Variants in CDC14A observed in about 807,000 individuals in gnomAD.
CDC14A encodes cell division cycle 14A.
CDC14A carries 53 observed loss-of-function variants against 74.4 expected under a neutral mutation model. That is an observed-to-expected ratio of 0.71 (90% CI 0.57 to 0.89). The LOEUF (loss-of-function observed/expected upper bound fraction) is 0.89, where lower values mean the gene tolerates loss of function less well. Ranked by LOEUF, CDC14A falls within the 40% of genes least tolerant of loss-of-function variation. The probability of loss-of-function intolerance (pLI) is 0.00; values close to 1 mark genes in which losing one functional copy is unlikely to be tolerated. For missense variants in CDC14A, 646 were observed against 713.7 expected (o/e 0.91, Z 1.08); for synonymous variants, 247 against 258.4 (o/e 0.96, Z 0.43).
In CDC14A at chr1:100,455,439, C is replaced by T; in HGVS notation, c.554C>T (p.Pro185Leu). The change falls in exon 8 of 16, where the codon CCA becomes CTA. Residue 185 changes from proline (P) to leucine (L), a missense_variant. Transcript: ENST00000336454. ...VENGDFNWIV[P>L]GKFLAFSGPH... ...AATGGTGACTTCAACTGGATTGTTCCAGGAAAATTTTTAGCATTTAGTGGA... is the reference window on the plus strand; with the variant it reads ...AATGGTGACTTCAACTGGATTGTTCTAGGAAAATTTTTAGCATTTAGTGGA... 6.2e-7 allele frequency: 1 copy of T among 1,602,852 alleles called. No individual in the cohort carries two copies. Among genetic ancestry groups the T allele is most frequent in the Non-Finnish European group, 8.5e-7 (1 of 1,176,946 alleles).
At chr1:100,396,509 G>C (rs1394954848) in intron 4 of CDC14A, among the ~76,000 whole-genome samples, 1 of 152,126 alleles carries the variant, frequency 6.6e-6, no homozygotes, top group Non-Finnish European at 1.5e-5. Context: ...GGTATAAAGT[G>C]GTGTCTTCCC....
chr1:100,364,229 G>A (rs1360074463), intron 2 of CDC14A, among the ~76,000 whole-genome samples: 4 of 150,504 alleles, frequency 2.7e-5, no homozygotes, highest in Non-Finnish European at 5.9e-5. Context: ...TTATTTTTGA[G>A]ATGGAGTCTC....
intron 4 of CDC14A, among the ~76,000 whole-genome samples, chr1:100,397,294 G>A (rs1001900879): frequency 5.9e-5 from 9 of 152,190 alleles, no homozygotes; most frequent in Admixed American, 1.3e-4. Context: ...CCCCTGCATT[G>A]TGACATTGTG....
intron 4 of CDC14A, among the ~76,000 whole-genome samples, chr1:100,407,049 T>G (rs969602576): frequency 2.0e-5 from 3 of 152,156 alleles, no homozygotes; most frequent in African/African-American, 7.2e-5. Flanking sequence ...ATTCTCTCCA[T>G]TGGTCTTTGT....
At chr1:100,399,024 G>A (rs911845682) in intron 4 of CDC14A, among the ~76,000 whole-genome samples, 2 of 152,044 alleles carry the variant, frequency 1.3e-5, no homozygotes, top group African/African-American at 2.4e-5. Flanking sequence ...TTAAATGTCC[G>A]TTTTGAAAAG....
At chr1:100,433,264 A>T (rs1454326341) in intron 5 of CDC14A, among the ~76,000 whole-genome samples, 1 of 152,114 alleles carries the variant, frequency 6.6e-6, no homozygotes, top group Non-Finnish European at 1.5e-5. Flanking sequence ...TCATTTATTC[A>T]TTCCTGTATT....
intron 3 of CDC14A, among the ~76,000 whole-genome samples, chr1:100,383,048 C>T (rs1050414009): frequency 2.0e-5 from 3 of 152,156 alleles, no homozygotes; most frequent in Non-Finnish European, 4.4e-5. Flanking sequence ...GTTTCTGGCT[C>T]ATAGGTTTGT....
intron 7 of CDC14A, among the ~76,000 whole-genome samples, chr1:100,444,001 C>G (rs1571207776): frequency 6.6e-6 from 1 of 152,154 alleles, no homozygotes; most frequent in African/African-American, 2.4e-5. Flanking sequence ...ACATTTGGGG[C>G]CCTAGTCTAG....
At chr1:100,393,019 G>A (rs946583969) in intron 4 of CDC14A, 78 of 1,338,592 alleles carry the variant, frequency 5.8e-5, no homozygotes, top group Admixed American at 4.1e-4. Flanking sequence ...TTTTCTACCC[G>A]CGAAATTGTC....
At chr1:100,397,335 A>G (rs1362982905) in intron 4 of CDC14A, among the ~76,000 whole-genome samples, 1 of 152,250 alleles carries the variant, frequency 6.6e-6, no homozygotes, top group African/African-American at 2.4e-5. Context: ...AGATTTAAGA[A>G]GAGACCAGCT....
In CDC14A at chr1:100,352,561, C is replaced by G; in HGVS notation, c.-394C>G. 1 of 1,045,260 alleles carries G rather than the reference C, an allele frequency of 9.6e-7. No individual in the cohort carries two copies. Among genetic ancestry groups the G allele is most frequent in the Non-Finnish European group, 1.2e-6 (1 of 868,848 alleles). 64.7% of individuals were successfully genotyped at this position (1,045,260 alleles called of 1,614,324 possible). ...GTCCTCCCGGCTGCCGCTCGAGTAG[C>G]CACGGGCGCGATCGGGACCAGAAGT... On this transcript the variant is annotated 5_prime_UTR_variant, in exon 1 of 16. Coordinates refer to ENST00000336454, the MANE Select transcript of CDC14A (RefSeq NM_003672.4).
chr1:100,418,527 G>A (rs192982969), intron 4 of CDC14A, among the ~76,000 whole-genome samples: 4 of 152,286 alleles, frequency 2.6e-5, no homozygotes, highest in Admixed American at 1.3e-4. Context: ...TTGGTGAAGG[G>A]TTGGCAGTCT....
intron 3 of CDC14A, among the ~76,000 whole-genome samples, chr1:100,386,764 T>A (rs75938751): frequency 0.12 from 18,680 of 152,198 alleles, 1,411 homozygotes; most frequent in Non-Finnish European, 0.16. Context: ...TAGGGCAGAA[T>A]CTGAGAAAAC....
At chr1:100,483,167 A>G (rs1267918318) in intron 10 of CDC14A, among the ~76,000 whole-genome samples, 1 of 152,138 alleles carries the variant, frequency 6.6e-6, no homozygotes, top group South Asian at 2.1e-4. Context: ...GAATTGCCAC[A>G]CTGCTTTCCA....
chr1:100,371,929 G>C (rs1347658729), intron 2 of CDC14A, among the ~76,000 whole-genome samples: 4 of 152,138 alleles, frequency 2.6e-5, no homozygotes, highest in Non-Finnish European at 4.4e-5. Flanking sequence ...AATACTGGTA[G>C]ATGCATATTT....
At chr1:100,482,796 A>G (rs1051945854) in intron 10 of CDC14A, among the ~76,000 whole-genome samples, 1 of 151,982 alleles carries the variant, frequency 6.6e-6, no homozygotes, top group Admixed American at 6.6e-5. Flanking sequence ...ATATGTATAT[A>G]CAGAGAGAGA....
At chr1:100,420,063 C>CACACACATATATATATAT in intron 4 of CDC14A, among the ~76,000 whole-genome samples, 83 of 61,580 alleles carry the variant, frequency 1.3e-3, no homozygotes, top group South Asian at 1.8e-3. Context: ...CACACACACA[C>CACACACATATATATATAT]ATATATATAT....
intron 10 of CDC14A, among the ~76,000 whole-genome samples, chr1:100,473,976 A>G (rs945885098): frequency 6.6e-6 from 1 of 152,098 alleles, no homozygotes; most frequent in Non-Finnish European, 1.5e-5. Context: ...AAGTATGTTA[A>G]TTGAGGTTTT....
rs372272213 is a variant in CDC14A at position 100,499,019 on chromosome 1, T to C, written c.1512T>C (p.Ser504=). 58 of 1,614,048 alleles carry C rather than the reference T, an allele frequency of 3.6e-5. No individual in the cohort carries two copies. Among genetic ancestry groups the C allele is most frequent in the Non-Finnish European group, 4.3e-5 (51 of 1,180,026 alleles). Residue 504 remains serine, a synonymous_variant, in exon 15 of 16, where the codon TCT becomes TCC. Transcript: ENST00000336454. ...DPENKKTSSS[S]KAGFTASPFT... is the part of the protein sequence containing the mutation. ...AGAACAAAAAGACCTCCTCATCCTC[T>C]AAGGCAGGCTTCACAGCCAGCCCGT...
Sources: gnomAD v4.1 joint callset for allele counts (sites outside exome capture counted in the v4.1 genomes callset) on GRCh38, gnomAD v4.1.1 for gene constraint, MANE v1.5 for transcripts, NCBI Gene and HGNC (gene_info 2026-07-23, HGNC 2026-07-21) for gene names.